WASF2: variants seen among roughly 807,000 people sequenced by gnomAD.
WASF2 encodes the protein WASP family member 2.
A neutral mutation model predicts 45.0 loss-of-function variants in WASF2; 14 were observed. The observed-to-expected ratio is 0.31, with a 90% CI of 0.21 to 0.49. WASF2 has a LOEUF of 0.49. Ranked by LOEUF, WASF2 falls within the 20% of genes least tolerant of loss-of-function variation. The pLI, the probability that WASF2 is intolerant of heterozygous loss-of-function variation, is 0.99. For synonymous variants in WASF2, 200 were observed against 236.3 expected, an observed-to-expected ratio of 0.85 and a Z score of 1.41; for missense variants, 439 against 636.1, an observed-to-expected ratio of 0.69 and a Z score of 3.33.
chr1:27,472,354 C>G (rs1035559396), intron 1 of WASF2, among the ~76,000 whole-genome samples: 5 of 149,768 alleles, frequency 3.3e-5, no homozygotes, highest in African/African-American at 1.2e-4. Flanking sequence ...TAAATCAAAA[C>G]TGGGTGCAGT....
At chr1:27,412,310 G>A (rs1231842724) in intron 7 of WASF2, among the ~76,000 whole-genome samples, 1 of 152,096 alleles carries the variant, frequency 6.6e-6, no homozygotes, top group East Asian at 1.9e-4. Context: ...AGGCTCAAGC[G>A]ATCCTCCCAC....
chr1:27,461,607 C>T (rs2017545971), intron 1 of WASF2, among the ~76,000 whole-genome samples: 2 of 152,006 alleles, frequency 1.3e-5, no homozygotes, highest in South Asian at 2.1e-4. Context: ...GGACTACAGG[C>T]GCCCGCCACC....
intron 1 of WASF2, among the ~76,000 whole-genome samples, chr1:27,458,866 C>T (rs562695024): frequency 5.3e-5 from 8 of 152,006 alleles, no homozygotes; most frequent in Middle Eastern, 6.8e-3. Flanking sequence ...AGGCTCATGC[C>T]TGTAATCCTA....
At chr1:27,440,731 T>TA (rs1275149025) in intron 1 of WASF2, among the ~76,000 whole-genome samples, 6 of 151,746 alleles carry the variant, frequency 4.0e-5, no homozygotes, top group Admixed American at 2.0e-4. Context: ...CGGTGGTCTT[T>TA]AAAAAATCTC....
intron 1 of WASF2, among the ~76,000 whole-genome samples, chr1:27,436,244 G>A (rs2017136648): frequency 6.6e-6 from 1 of 152,144 alleles, no homozygotes; most frequent in African/African-American, 2.4e-5. Flanking sequence ...CCAGGAATTC[G>A]AAACCAGCCT....
At chr1:27,409,408 G>C (rs1365749625) in intron 8 of WASF2, among the ~76,000 whole-genome samples, 1 of 103,514 alleles carries the variant, frequency 9.7e-6, no homozygotes, top group Non-Finnish European at 1.8e-5. Context: ...CTGGGCAAAA[G>C]AGCCAGACTC....
At chr1:27,449,803 T>C (rs1379852294) in intron 1 of WASF2, among the ~76,000 whole-genome samples, 1 of 151,798 alleles carries the variant, frequency 6.6e-6, no homozygotes, top group Non-Finnish European at 1.5e-5. Flanking sequence ...GATCTACATT[T>C]ACCCCTCAAA....
intron 1 of WASF2, among the ~76,000 whole-genome samples, chr1:27,448,451 T>C (rs1213406953): frequency 1.3e-5 from 2 of 152,104 alleles, no homozygotes; most frequent in Non-Finnish European, 2.9e-5. Flanking sequence ...AAATAAAAAG[T>C]GATGAAACTC....
Position 27,407,193 on chromosome 1 carries a change from A to G in WASF2, c.*996T>C, listed in dbSNP as rs1018729436. 6.5e-6 allele frequency: 1 copy of G among 152,714 alleles called. No homozygotes were observed. Among genetic ancestry groups the G allele is most frequent in the African/African-American group, 2.4e-5 (1 of 41,458 alleles). The allele number at this position is 152,714 out of a possible 1,614,324, so 9.5% of individuals were successfully genotyped here. A position where few individuals can be genotyped will look rare whatever the true frequency, so the allele number is the denominator to read the frequency against. On this transcript the variant is annotated 3_prime_UTR_variant, in exon 9 of 9. Transcript: ENST00000618852. Reference sequence around the variant, plus strand: ...TCTGCCCGGACTCCAGCAGGTGCCCATTCTTTGGTCCCAGAAAGCACAGGT... The same window carrying G: ...TCTGCCCGGACTCCAGCAGGTGCCCGTTCTTTGGTCCCAGAAAGCACAGGT...
chr1:27,474,678 G>A (rs1214829568), intron 1 of WASF2, among the ~76,000 whole-genome samples: 1 of 152,044 alleles, frequency 6.6e-6, no homozygotes, highest in Non-Finnish European at 1.5e-5. Context: ...GCTGAGGCAG[G>A]AGAATCGCGC....
chr1:27,488,988 A>C (rs1016547152), intron 1 of WASF2, among the ~76,000 whole-genome samples: 3 of 152,112 alleles, frequency 2.0e-5, no homozygotes, highest in Admixed American at 6.6e-5. Context: ...GGCTGCCATA[A>C]AAGTTCTTCC....
intron 1 of WASF2, among the ~76,000 whole-genome samples, chr1:27,472,542 G>A (rs1169429778): frequency 6.6e-6 from 1 of 150,456 alleles, no homozygotes; most frequent in Non-Finnish European, 1.5e-5. Context: ...GCTGAGATGG[G>A]AGGACTGCTT....
chr1:27,440,616 T>C (rs946181272), intron 1 of WASF2, among the ~76,000 whole-genome samples: 2 of 152,158 alleles, frequency 1.3e-5, no homozygotes, highest in Non-Finnish European at 2.9e-5. Flanking sequence ...GGTCTCATCA[T>C]GTTACCTAGG....
intron 1 of WASF2, among the ~76,000 whole-genome samples, chr1:27,458,598 C>CAG (rs2017504381): frequency 1.3e-5 from 2 of 151,816 alleles, no homozygotes; most frequent in Non-Finnish European, 2.9e-5. Flanking sequence ...AGTTTGAGAC[C>CAG]AGCCTGGCCA....
chr1:27,449,434 A>C (rs2017353056), intron 1 of WASF2, among the ~76,000 whole-genome samples: 1 of 152,090 alleles, frequency 6.6e-6, no homozygotes. Flanking sequence ...CCCCATCTCT[A>C]CTAAAAATAC....
At chr1:27,436,680 T>C (rs1490519884) in intron 1 of WASF2, among the ~76,000 whole-genome samples, 2 of 152,168 alleles carry the variant, frequency 1.3e-5, no homozygotes, top group South Asian at 2.1e-4. Context: ...ATTATAAGCT[T>C]AGGCACCCAC....
intron 1 of WASF2, among the ~76,000 whole-genome samples, chr1:27,466,538 GT>G (rs1248499642): frequency 1.3e-5 from 2 of 152,192 alleles, no homozygotes; most frequent in African/African-American, 4.8e-5. Context: ...GATATGTGCC[GT>G]AAGTGCAAAG....
chr1:27,462,480 A>AAG (rs957961779), intron 1 of WASF2, among the ~76,000 whole-genome samples: 3 of 152,000 alleles, frequency 2.0e-5, no homozygotes, highest in African/African-American at 4.8e-5. Context: ...AAAACAAAAA[A>AAG]AGAGAGAGAG....
chr1:27,461,789 A>C (rs2148131791), intron 1 of WASF2, among the ~76,000 whole-genome samples: 1 of 150,542 alleles, frequency 6.6e-6, no homozygotes, highest in South Asian at 2.1e-4. Flanking sequence ...CAGCCTTTCA[A>C]GTAGCTGGGA....
Sources: gnomAD v4.1 joint callset for allele counts (sites outside exome capture counted in the v4.1 genomes callset) on GRCh38, gnomAD v4.1.1 for gene constraint, MANE v1.5 for transcripts, NCBI Gene and HGNC (gene_info 2026-07-23, HGNC 2026-07-21) for gene names.